Variants in POF1B observed in about 807,000 individuals in gnomAD.
The protein encoded by POF1B is POF1B actin binding protein.
In POF1B, 53 loss-of-function variants were observed where a neutral mutation model predicts 55.3. The observed-to-expected ratio is 0.96, with a 90% confidence interval of 0.77 to 1.20. The LOEUF (loss-of-function observed/expected upper bound fraction) is 1.20. Ranked by LOEUF, POF1B falls within the 50% of genes most tolerant of loss-of-function variation. The pLI is 0.00. For missense variants in POF1B, 478 were observed against 420.5 expected, an observed-to-expected ratio of 1.14 and a Z score of -1.20; for synonymous variants, 188 against 148.3, an observed-to-expected ratio of 1.27 and a Z score of -1.95.
At chrX:85,306,467 A>T in intron 11 of POF1B, 134 bp from the exon 12 acceptor site, 4 of 566,909 alleles carry the variant, frequency 7.1e-6, no homozygotes, top group Non-Finnish European at 1.1e-5. Flanking sequence ...TGGGTCTTAG[A>T]TGGTACATTA....
chrX:85,331,424 A>AT (rs1289375795), intron 6 of POF1B, among the ~76,000 whole-genome samples: 1 of 111,393 alleles, frequency 9.0e-6, no homozygotes, highest in Non-Finnish European at 1.9e-5. Flanking sequence ...TGTGAATTAT[A>AT]TTTTTTATTA....
chrX:85,291,025 A>AT (rs1932174237), intron 15 of POF1B, among the ~76,000 whole-genome samples: 1 of 112,024 alleles, frequency 8.9e-6, no homozygotes, highest in African/African-American at 3.2e-5. Flanking sequence ...TATGTCCTGA[A>AT]TGGTAATGCC....
intron 6 of POF1B, among the ~76,000 whole-genome samples, chrX:85,337,348 G>C (rs1376752129): frequency 1.8e-5 from 2 of 111,706 alleles, no homozygotes; most frequent in Non-Finnish European, 3.8e-5. Context: ...CAGGTTATGA[G>C]GGATGGGTGG....
At chrX:85,326,559 G>T (rs1014724240) in intron 7 of POF1B, among the ~76,000 whole-genome samples, 3 of 110,434 alleles carry the variant, frequency 2.7e-5, no homozygotes, top group African/African-American at 9.9e-5. Context: ...GGCACAGCAG[G>T]GGATTGGGGG....
intron 15 of POF1B, among the ~76,000 whole-genome samples, chrX:85,287,724 C>T (rs960614795): frequency 9.0e-6 from 1 of 111,488 alleles, no homozygotes; most frequent in East Asian, 2.8e-4. Flanking sequence ...GTAGGGCATA[C>T]TTCTCAACTC....
rs141403678 is a variant in POF1B at position 85,314,504 on chromosome X, C to T, written c.885G>A (p.Ser295=). 782 of 1,178,369 alleles carry T rather than the reference C, an allele frequency of 6.6e-4. No individual in the cohort carries two copies. Among genetic ancestry groups the T allele is most frequent in the Middle Eastern group, 4.2e-3 (18 of 4,242 alleles). Residue 295 remains serine, a splice_region_variant and synonymous_variant, in exon 9 of 17, where the codon TCG becomes TCA. Coordinates refer to ENST00000262753, the MANE Select transcript of POF1B (RefSeq NM_024921.4). ...SKQDFESTDE[S]EDIESLIPKG... Reference sequence around the variant, plus strand: ...TAGGAATCAATGATTCAATGTCTTCCGACTGTAAGAAAAAAAGGCTTATCC... The same window carrying T: ...TAGGAATCAATGATTCAATGTCTTCTGACTGTAAGAAAAAAAGGCTTATCC...
intron 16 of POF1B, among the ~76,000 whole-genome samples, chrX:85,281,513 C>T (rs2147887064): frequency 9.1e-6 from 1 of 109,577 alleles, no homozygotes; most frequent in East Asian, 2.9e-4. Flanking sequence ...ATAATCAGTC[C>T]CCTTAGCAAT....
intron 4 of POF1B, among the ~76,000 whole-genome samples, chrX:85,352,232 A>G (rs745642962): frequency 9.0e-6 from 1 of 111,110 alleles, no homozygotes; most frequent in African/African-American, 3.3e-5. Flanking sequence ...TTTGGTTTTC[A>G]TTTGAAGTCT....
intron 6 of POF1B, among the ~76,000 whole-genome samples, chrX:85,338,683 A>G (rs1421900055): frequency 8.9e-6 from 1 of 111,790 alleles, no homozygotes; most frequent in Non-Finnish European, 1.9e-5. Flanking sequence ...GAGTTCCAAG[A>G]AGAAAACTTA....
In POF1B at chrX:85,379,282, G is replaced by A; in HGVS notation, c.173C>T (p.Pro58Leu). The A allele has an allele frequency of 8.3e-7, 1 of 1,210,642 alleles. No individual in the cohort carries two copies. Among genetic ancestry groups the A allele is most frequent in the Non-Finnish European group, 1.1e-6 (1 of 895,260 alleles). The change falls in exon 2 of 17, where the codon CCC becomes CTC. Residue 58 changes from proline to leucine, a missense_variant. Physicochemically the swap from Pro to Leu is moderately conservative, Grantham distance 98. Transcript: ENST00000262753. ...VYERVRTYSG[P>L]MNKVVQALDP... ...CAAGGCCTGCACCACCTTGTTCATG[G>A]GCCCACTGTAGGTCCTCACTCGCTC...
chrX:85,361,217 C>G (rs1339654755), intron 3 of POF1B, among the ~76,000 whole-genome samples: 1 of 111,816 alleles, frequency 8.9e-6, no homozygotes, highest in East Asian at 2.8e-4. Flanking sequence ...CGTGCAGAAG[C>G]TCTTTAGTTA....
At chrX:85,342,959 T>C in intron 6 of POF1B, among the ~76,000 whole-genome samples, 1 of 106,715 alleles carries the variant, frequency 9.4e-6, no homozygotes. Flanking sequence ...ACTCTAAGCT[T>C]CCTGTAGAGT....
At chrX:85,344,813 C>T (rs1055276251) in intron 6 of POF1B, among the ~76,000 whole-genome samples, 2 of 111,164 alleles carry the variant, frequency 1.8e-5, no homozygotes, top group African/African-American at 6.5e-5. Context: ...ATAAGGGTCT[C>T]ACTATGTTGC....
At chrX:85,292,261 C>G (rs1932207734) in intron 15 of POF1B, among the ~76,000 whole-genome samples, 1 of 111,943 alleles carries the variant, frequency 8.9e-6, no homozygotes, top group East Asian at 2.8e-4. Context: ...TATGTCTAAC[C>G]AACCTTGCAT....
intron 15 of POF1B, among the ~76,000 whole-genome samples, chrX:85,291,499 C>T (rs1358718675): frequency 8.9e-6 from 1 of 112,114 alleles, no homozygotes; most frequent in Non-Finnish European, 1.9e-5. Flanking sequence ...ATGGAAATAG[C>T]ATTGAATCTG....
intron 5 of POF1B, among the ~76,000 whole-genome samples, chrX:85,348,518 G>A (rs763304543): frequency 6.4e-5 from 7 of 109,817 alleles, no homozygotes; most frequent in Admixed American, 4.9e-4. Context: ...TATTTGATTC[G>A]GTCACATGTT....
chrX:85,346,607 TA>T (rs1006052334), intron 5 of POF1B, among the ~76,000 whole-genome samples: 1 of 110,118 alleles, frequency 9.1e-6, no homozygotes, highest in Non-Finnish European at 1.9e-5. Context: ...ACTCTGATTT[TA>T]TCACTAACTC....
At chrX:85,293,607 C>G (rs758603208) in intron 15 of POF1B, among the ~76,000 whole-genome samples, 133 of 111,879 alleles carry the variant, frequency 1.2e-3, no homozygotes, top group African/African-American at 4.1e-3. Context: ...ATCTGTACAA[C>G]AAACCTCTGT....
Position 85,379,446 on chromosome X carries a change from C to T in POF1B, c.9G>A (p.Ser3=), listed in dbSNP as rs748345144. 1.2e-4 allele frequency: 145 copies of T among 1,205,987 alleles called. 3 individuals carry two copies. In the South Asian group the frequency reaches 2.4e-3, roughly 20 times the overall value. Residue 3 remains serine, a synonymous_variant, in exon 2 of 17, where the codon TCG becomes TCA. Transcript: ENST00000262753. ...TGCTGCTCGTCTCACTCCAATAGCT[C>T]GAGCTCATCTTCTTCCAGTGGTCAG... MS[S]SYWSETSSSS...
Sources: gnomAD v4.1 joint callset for allele counts (sites outside exome capture counted in the v4.1 genomes callset) on GRCh38, gnomAD v4.1.1 for gene constraint, MANE v1.5 for transcripts, NCBI Gene and HGNC (gene_info 2026-07-23, HGNC 2026-07-21) for gene names.